The following ZDHHC16 variants were observed in gnomAD, a reference collection of about 807,000 sequenced individuals.
The protein encoded by ZDHHC16 is zDHHC palmitoyltransferase 16, also known as palmitoyltransferase ZDHHC16.
ZDHHC16 carries 33 observed loss-of-function variants against 54.4 expected under a neutral mutation model. The ratio of observed to expected loss-of-function variants is 0.61; its 90% CI spans 0.46 to 0.81. ZDHHC16 has a LOEUF of 0.81. Among genes scored for constraint, ZDHHC16 ranks in the 30% least tolerant of loss-of-function variants. The pLI is 0.00. For missense variants in ZDHHC16, 420 were observed against 485.9 expected (o/e 0.86, Z 1.28); for synonymous variants, 185 against 182.1 (o/e 1.02, Z -0.13).
In ZDHHC16 at chr10:97,451,726, C is replaced by T; in HGVS notation, c.51C>T (p.Arg17=). ...TGGGCCCGGCCCGCCTCTGCCTCCG[C>T]CTCCTTCTGCTGCTGGGTTACAGGC... ...LLLGPARLCL[R]LLLLLGYRRR... is the part of the protein sequence containing the mutation. Residue 17 remains arginine (R), a synonymous_variant, in exon 3 of 12, where the codon CGC becomes CGT. Coordinates refer to ENST00000393760, the MANE Select transcript of ZDHHC16 (RefSeq NM_198046.3). The T allele has an allele frequency of 3.7e-6, 6 of 1,613,426 alleles. No individual in the cohort carries two copies. The highest frequency in any genetic ancestry group is 5.1e-6 in the Non-Finnish European group (6 of 1,180,034).
rs1333224273 is a variant in ZDHHC16 at position 97,447,891 on chromosome 10, C to A, written c.-186+1538C>A. On this transcript the variant is annotated intron_variant, in intron 1 of 11. Coordinates refer to ENST00000393760, the MANE Select transcript of ZDHHC16 (RefSeq NM_198046.3). ...TGAGCCCAGATTGTGCCATTGCACT[C>A]CAGCCTGGGCAACAAGAGTGAAACT... 4.0e-5 allele frequency among the ~76,000 whole-genome samples: 6 copies of A among 151,860 alleles called. No individual in the cohort carries two copies. The South Asian group carries it at 8.3e-4, about 21-fold the overall frequency.
chr10:97,451,622 T>G, intron 2 of ZDHHC16, 49 bp from the exon 3 acceptor site: 1 of 1,564,464 alleles, frequency 6.4e-7, no homozygotes, highest in Non-Finnish European at 8.6e-7. Context: ...ACTAGCGGGG[T>G]AGGGAGGGAG....
intron 1 of ZDHHC16, among the ~76,000 whole-genome samples, chr10:97,448,690 G>A (rs780156518): frequency 1.5e-4 from 23 of 152,148 alleles, no homozygotes; most frequent in Non-Finnish European, 1.3e-4. Context: ...CCCAGAAGGC[G>A]GAGGTTGCAG....
chr10:97,451,869 T>G lies in ZDHHC16; in HGVS notation c.194T>G (p.Phe65Cys). The G allele has an allele frequency of 6.2e-7, 1 of 1,614,140 alleles. No homozygotes were observed. The highest frequency in any genetic ancestry group is 8.5e-7 in the Non-Finnish European group (1 of 1,180,006). ...AGTGACACCGCTGTTGATGCTGCCT[T>G]TGAGCCTGTCTACTGGCTGGTAGAC... Reference protein sequence around the residue: ...GGSDTAVDAAFEPVYWLVDNV... With the variant: ...GGSDTAVDAACEPVYWLVDNV... The change falls in exon 3 of 12, where the codon TTT becomes TGT. Residue 65 changes from phenylalanine (F) to cysteine (C), a missense_variant. By Grantham distance (205) the Phe-to-Cys change is radical (BLOSUM62 -2). Coordinates refer to ENST00000393760, the MANE Select transcript of ZDHHC16 (RefSeq NM_198046.3).
At chr10:97,449,436 C>T (rs749990104) in intron 1 of ZDHHC16, among the ~76,000 whole-genome samples, 2 of 152,142 alleles carry the variant, frequency 1.3e-5, no homozygotes, top group Non-Finnish European at 2.9e-5. Context: ...TTTTGTCCCA[C>T]TCTTACATTT....
At chr10:97,454,919 T>C in intron 9 of ZDHHC16, 120 bp downstream of exon 9, 2 of 833,638 alleles carry the variant, frequency 2.4e-6, no homozygotes, top group Non-Finnish European at 3.9e-6. Context: ...CTAACTTAGG[T>C]TGGCAGAGAG....
At chr10:97,453,381 C>T in intron 6 of ZDHHC16, 149 bp from the exon 7 acceptor site, 1 of 1,134,388 alleles carries the variant, frequency 8.8e-7, no homozygotes, top group Non-Finnish European at 1.3e-6. Context: ...TGTGAACAGT[C>T]TTGTATTTTC....
chr10:97,455,957 G>T lies in ZDHHC16; in HGVS notation c.949-17G>T. 1 of 1,613,788 alleles carries T rather than the reference G, an allele frequency of 6.2e-7. No homozygotes were observed. The highest frequency in any genetic ancestry group is 8.5e-7 in the Non-Finnish European group (1 of 1,179,866). On this transcript the variant is annotated splice_polypyrimidine_tract_variant and intron_variant, in intron 10 of 11. Transcript: ENST00000393760. ...AAAAATTAGAAGTTCAAAGAAACAT[G>T]TTTTTCTTGGCTCCAGGTATTTAGG...
chr10:97,447,766 A>G (rs561374203), intron 1 of ZDHHC16, among the ~76,000 whole-genome samples: 2 of 152,282 alleles, frequency 1.3e-5, no homozygotes, highest in African/African-American at 2.4e-5. Flanking sequence ...TACTAAAAAA[A>G]TACAAAATTA....
chr10:97,446,562 T>C (rs567738930), intron 1 of ZDHHC16, among the ~76,000 whole-genome samples: 72 of 152,334 alleles, frequency 4.7e-4, no homozygotes, highest in African/African-American at 1.7e-3. Flanking sequence ...ACTCGTCTGT[T>C]TCACAGATAT....
intron 1 of ZDHHC16, among the ~76,000 whole-genome samples, chr10:97,449,861 CTTTTTTTT>C (rs35173837): frequency 4.9e-5 from 4 of 81,532 alleles, no homozygotes; most frequent in Non-Finnish European, 6.3e-5. Flanking sequence ...CCCCTTAATT[CTTTTTTTT>C]TTTTTTTTTT....
Position 97,446,185 on chromosome 10 carries a change from A to G in ZDHHC16, c.-354A>G, listed in dbSNP as rs964793770. 8 of 758,734 alleles carry G rather than the reference A, an allele frequency of 1.1e-5. No individual in the cohort carries two copies. The highest frequency in any genetic ancestry group is 1.5e-5 in the Non-Finnish European group (7 of 467,992). The allele number at this position is 758,734 out of a possible 1,614,324, so 47.0% of individuals were successfully genotyped here. A position where few individuals can be genotyped will look rare whatever the true frequency, so the allele number is the denominator to read the frequency against. On this transcript the variant is annotated 5_prime_UTR_variant, in exon 1 of 12. An upstream start codon of the reference 5' UTR is lost. Transcript: ENST00000393760. ...CTGGCGCCTGCGCGTGTGGTTGAGG[A>G]TGGGCTGGCGGCGGGTCCGGGTCCG...
chr10:97,455,819 G>T, intron 10 of ZDHHC16, 36 bp downstream of exon 10: 2 of 1,608,698 alleles, frequency 1.2e-6, no homozygotes, highest in Non-Finnish European at 1.7e-6. Context: ...GGGTAGGTGG[G>T]TAACTGAACT....
chr10:97,456,285 G>A, intron 11 of ZDHHC16: 1 of 502,242 alleles, frequency 2.0e-6, no homozygotes, highest in East Asian at 3.1e-5. Flanking sequence ...CTGTGCTCAG[G>A]AAGGGGCCTC....
Position 97,451,742 on chromosome 10 carries a change from G to A in ZDHHC16, c.67G>A (p.Gly23Ser). ...RLCLRLLLLLGYRRRCPPLLR... is the reference protein window; with the variant it reads ...RLCLRLLLLLSYRRRCPPLLR... ...CTGCCTCCGCCTCCTTCTGCTGCTG[G>A]GTTACAGGCGCCGCTGTCCACCTCT... The change falls in exon 3 of 12, where the codon GGT becomes AGT. Residue 23 changes from glycine (G) to serine (S), a missense_variant. Physicochemically the swap from Gly to Ser is moderately conservative, Grantham distance 56. Transcript: ENST00000393760. 1.2e-6 allele frequency: 2 copies of A among 1,613,832 alleles called. No individual in the cohort carries two copies. The highest frequency in any genetic ancestry group is 1.7e-5 in the Admixed American group (1 of 60,022).
rs753022921 is a variant in ZDHHC16, at chr10:97,456,790, C to T, written c.1033C>T (p.Arg345Trp). ...CTTCTCTTCTAGGCACTGGCTTACT[C>T]GGGTGCTCTTACCTTCTAGTCACTT... ...GVDTGRHWLT[R>W]VLLPSSHLPH... Residue 345 changes from arginine (R) to tryptophan (W), a missense_variant, in exon 12 of 12, where the codon CGG becomes TGG. Coordinates refer to ENST00000393760, the MANE Select transcript of ZDHHC16 (RefSeq NM_198046.3). The T allele has an allele frequency of 6.2e-6, 10 of 1,612,354 alleles. No individual in the cohort carries two copies. Among genetic ancestry groups the T allele is most frequent in the Admixed American group, 3.3e-5 (2 of 59,928 alleles).
Position 97,456,054 on chromosome 10 carries a change from GACAC to G in ZDHHC16, c.1019+14_1019+17del. 2 of 1,613,792 alleles carry G rather than the reference GACAC, an allele frequency of 1.2e-6. No individual in the cohort carries two copies. Among genetic ancestry groups the G allele is most frequent in the African/African-American group, 2.7e-5 (2 of 75,046 alleles). On this transcript the variant is annotated intron_variant, in intron 11 of 11. Coordinates refer to ENST00000393760, the MANE Select transcript of ZDHHC16 (RefSeq NM_198046.3). Reference sequence around the variant, plus strand: ...GTGTGGATACAGGAAGGTAATGTAAGACACACAGACTAATGCTGTCCAACAGAAC... The same window carrying G: ...GTGTGGATACAGGAAGGTAATGTAAGACAGACTAATGCTGTCCAACAGAAC...
intron 7 of ZDHHC16, 34 bp from the exon 8 acceptor site, chr10:97,453,765 A>G (rs781233882): frequency 1.2e-6 from 2 of 1,614,214 alleles, no homozygotes; most frequent in South Asian, 2.2e-5. Flanking sequence ...TAGAGGCCTG[A>G]GAGTATAACC....
intron 1 of ZDHHC16, among the ~76,000 whole-genome samples, chr10:97,447,154 A>C (rs1164775513): frequency 1.3e-5 from 2 of 152,214 alleles, no homozygotes; most frequent in African/African-American, 2.4e-5. Context: ...AGCAGCCCCA[A>C]AATAAAGTTG....
Sources: gnomAD v4.1 joint callset for allele counts (sites outside exome capture counted in the v4.1 genomes callset) on GRCh38, gnomAD v4.1.1 for gene constraint, MANE v1.5 for transcripts, NCBI Gene and HGNC (gene_info 2026-07-23, HGNC 2026-07-21) for gene names.